The following PARD3B variants were observed in gnomAD, a reference collection of about 807,000 sequenced individuals.
PARD3B encodes partitioning defective 3 homolog B.
PARD3B carries 103 observed loss-of-function variants against 130.2 expected under a neutral mutation model. The observed-to-expected ratio is 0.79, with a 90% CI of 0.67 to 0.93. The LOEUF (loss-of-function observed/expected upper bound fraction) is 0.93, where lower values mean the gene tolerates loss of function less well. Among genes scored for constraint, PARD3B ranks in the 40% least tolerant of loss-of-function variants. The pLI, the probability that PARD3B is intolerant of heterozygous loss-of-function variation, is 0.00. For missense variants in PARD3B, 1,609 were observed against 1,499.2 expected (o/e 1.07, Z -1.21); for synonymous variants, 583 against 553.2 (o/e 1.05, Z -0.76).
intron 1 of PARD3B, among the ~76,000 whole-genome samples, chr2:204,680,250 A>C (rs13431268): frequency 0.094 from 14,301 of 152,024 alleles, 2,000 homozygotes; most frequent in African/African-American, 0.3. Flanking sequence ...AATTCAATTT[A>C]ATTCTTGTTG....
At chr2:205,495,331 C>G (rs2049885009) in intron 20 of PARD3B, among the ~76,000 whole-genome samples, 1 of 152,102 alleles carries the variant, frequency 6.6e-6, no homozygotes, top group Non-Finnish European at 1.5e-5. Context: ...AAAATTCCAG[C>G]ACATCGAAAG....
chr2:204,807,357 G>A (rs1387098118), intron 2 of PARD3B, among the ~76,000 whole-genome samples: 4 of 152,138 alleles, frequency 2.6e-5, no homozygotes, highest in Non-Finnish European at 5.9e-5. Flanking sequence ...ATGCTGTTGA[G>A]GATGTGGAGA....
intron 9 of PARD3B, among the ~76,000 whole-genome samples, chr2:205,124,944 T>C (rs2031209239): frequency 6.6e-6 from 1 of 152,236 alleles, no homozygotes; most frequent in Admixed American, 6.5e-5. Flanking sequence ...CAGAGAGATA[T>C]ATTTGGGATA....
At chr2:204,900,595 T>C (rs1459004991) in intron 2 of PARD3B, among the ~76,000 whole-genome samples, 1 of 152,250 alleles carries the variant, frequency 6.6e-6, no homozygotes, top group Non-Finnish European at 1.5e-5. Context: ...ATAAATCTTT[T>C]AAAAGGTCTC....
Position 205,471,780 on chromosome 2 carries a change from C to A in PARD3B, c.3045-28116C>A, listed in dbSNP as rs147313285. ...AGTAACCTATTGTCTGTTTACATGC[C>A]ACATGACATGAAACTCTATTTTAAT... On this transcript the variant is annotated intron_variant, in intron 20 of 22. Coordinates refer to ENST00000406610, the MANE Select transcript of PARD3B (RefSeq NM_001302769.2). 1.9e-3 allele frequency among the ~76,000 whole-genome samples: 296 copies of A among 152,234 alleles called. 2 individuals are homozygous for A. The highest frequency in any genetic ancestry group is 6.6e-3 in the African/African-American group (273 of 41,556).
At chr2:204,765,315 T>A (rs1484464314) in intron 2 of PARD3B, among the ~76,000 whole-genome samples, 2 of 152,156 alleles carry the variant, frequency 1.3e-5, no homozygotes, top group Non-Finnish European at 2.9e-5. Flanking sequence ...AGTCTGAGTT[T>A]TAACAAGTCT....
chr2:205,435,301 A>G lies in PARD3B; in HGVS notation c.2742-5069A>G, dbSNP rs147526523. Among the ~76,000 whole-genome samples the G allele has an allele frequency of 3.2e-3, 485 of 152,134 alleles. 1 individual carries two copies. Among genetic ancestry groups the G allele is most frequent in the African/African-American group, 0.011 (445 of 41,544 alleles). On this transcript the variant is annotated intron_variant, in intron 19 of 22. Coordinates refer to ENST00000406610, the MANE Select transcript of PARD3B (RefSeq NM_001302769.2). The stretch of plus-strand genomic sequence containing the variant: ...TTTAGTATAGGAATAGTATGACCCT[A>G]TGTTCTACAGCTGCATAATACTTTT...
chr2:204,985,797 T>C (rs2125224650), intron 3 of PARD3B, among the ~76,000 whole-genome samples: 1 of 152,130 alleles, frequency 6.6e-6, no homozygotes, highest in Admixed American at 6.6e-5. Flanking sequence ...GAGAAACATC[T>C]GGATTGTATT....
At chr2:205,010,961 A>G (rs114658140) in intron 3 of PARD3B, among the ~76,000 whole-genome samples, 2,943 of 152,044 alleles carry the variant, frequency 0.019, 93 homozygotes, top group African/African-American at 0.066. Context: ...GGGTTTCCTC[A>G]TTTATCTGTT....
intron 18 of PARD3B, among the ~76,000 whole-genome samples, chr2:205,382,245 C>A (rs1160061788): frequency 6.6e-6 from 1 of 151,992 alleles, no homozygotes; most frequent in Admixed American, 6.6e-5. Flanking sequence ...TTTTCCTTAT[C>A]TTTCATGACC....
At chr2:205,043,864 G>A (rs1286280952) in intron 3 of PARD3B, among the ~76,000 whole-genome samples, 1 of 151,692 alleles carries the variant, frequency 6.6e-6, no homozygotes, top group African/African-American at 2.4e-5. Context: ...GTGCAGGTTA[G>A]TTATGTATGT....
intron 15 of PARD3B, among the ~76,000 whole-genome samples, chr2:205,201,003 A>G (rs2036958437): frequency 6.6e-6 from 1 of 152,164 alleles, no homozygotes; most frequent in Non-Finnish European, 1.5e-5. Flanking sequence ...AAACAGCTCC[A>G]CTTTATTCTG....
At chr2:205,439,597 C>A (rs543355217) in intron 19 of PARD3B, among the ~76,000 whole-genome samples, 13 of 152,290 alleles carry the variant, frequency 8.5e-5, no homozygotes, top group African/African-American at 2.6e-4. Flanking sequence ...CTTCCATTCC[C>A]AGTAGACTGC....
At chr2:205,557,158 G>A (rs1237638349) in intron 22 of PARD3B, among the ~76,000 whole-genome samples, 2 of 152,110 alleles carry the variant, frequency 1.3e-5, no homozygotes, top group Non-Finnish European at 2.9e-5. Flanking sequence ...GCTCTTCTGT[G>A]GTCCTACATG....
chr2:204,819,552 C>G (rs960301439), intron 2 of PARD3B, among the ~76,000 whole-genome samples: 18 of 152,020 alleles, frequency 1.2e-4, no homozygotes, highest in African/African-American at 3.1e-4. Context: ...TCTATGTGTT[C>G]AAATGAAAGG....
intron 4 of PARD3B, among the ~76,000 whole-genome samples, chr2:205,052,238 C>G (rs1699238916): frequency 6.6e-6 from 1 of 151,542 alleles, no homozygotes; most frequent in African/African-American, 2.4e-5. Context: ...TTTAATTTAA[C>G]CCTTAAGGCA....
At chr2:204,735,877 A>G (rs977099392) in intron 2 of PARD3B, among the ~76,000 whole-genome samples, 10 of 152,218 alleles carry the variant, frequency 6.6e-5, no homozygotes, top group African/African-American at 2.4e-4. Context: ...ACAATAACAG[A>G]ATATAAATTA....
intron 11 of PARD3B, among the ~76,000 whole-genome samples, chr2:205,159,184 G>A (rs2034362817): frequency 6.6e-6 from 1 of 152,048 alleles, no homozygotes; most frequent in Non-Finnish European, 1.5e-5. Context: ...GGATTCCTCT[G>A]GATTTGTAAA....
chr2:204,800,162 A>C (rs569472419), intron 2 of PARD3B, among the ~76,000 whole-genome samples: 1 of 152,342 alleles, frequency 6.6e-6, no homozygotes, highest in East Asian at 1.9e-4. Flanking sequence ...ATCCTATCAG[A>C]TAAATTTCAC....
Sources: gnomAD v4.1 joint callset for allele counts (sites outside exome capture counted in the v4.1 genomes callset) on GRCh38, gnomAD v4.1.1 for gene constraint, MANE v1.5 for transcripts, NCBI Gene and HGNC (gene_info 2026-07-23, HGNC 2026-07-21) for gene names.